XPO6: variants seen among roughly 807,000 people sequenced by gnomAD.
XPO6 encodes exportin-6.
In XPO6, 3 loss-of-function variants were observed where a neutral mutation model predicts 130.0. The observed-to-expected ratio is 0.02, with a 90% confidence interval of 0.01 to 0.06. XPO6 has a LOEUF of 0.06. Among genes scored for constraint, XPO6 ranks in the 10% least tolerant of loss-of-function variants. The probability of loss-of-function intolerance (pLI) is 1.00; values close to 1 mark genes in which losing one functional copy is unlikely to be tolerated. For missense variants in XPO6, 970 were observed against 1,393.0 expected (o/e 0.70, Z 4.83); for synonymous variants, 524 against 548.9 (o/e 0.95, Z 0.63).
At position 28,186,374 on chromosome 16, in the gene XPO6, C is replaced by CTTTTTTTTTTTTTTT. The variant is rs60754642; in HGVS notation, c.4-5358_4-5344dup. On this transcript the variant is annotated intron_variant, in intron 1 of 23. Transcript: ENST00000304658. ...TATAGATTTTTCTGCCCCAGTTATT[C>CTTTTTTTTTTTTTTT]TTTTTTTTTTTTTTTTTGCTAAAGA... is the stretch of plus-strand genomic sequence containing the variant. Among the ~76,000 whole-genome samples the CTTTTTTTTTTTTTTT allele has an allele frequency of 4.1e-3, 332 of 81,410 alleles. 85 individuals carry two copies. Among genetic ancestry groups the CTTTTTTTTTTTTTTT allele is most frequent in the African/African-American group, 0.02 (305 of 15,242 alleles). 53.4% of individuals were successfully genotyped at this position (81,410 alleles called of 152,430 possible).
intron 1 of XPO6, among the ~76,000 whole-genome samples, chr16:28,201,727 G>A (rs982139080): frequency 6.6e-6 from 1 of 152,040 alleles, no homozygotes; most frequent in Non-Finnish European, 1.5e-5. Flanking sequence ...GTGGCAGCAT[G>A]CACCTGTAGT....
chr16:28,165,998 C>T (rs1391326642), intron 6 of XPO6, among the ~76,000 whole-genome samples: 4 of 152,172 alleles, frequency 2.6e-5, no homozygotes, highest in Non-Finnish European at 5.9e-5. Flanking sequence ...CAAATATGCC[C>T]CGCTTTACCA....
intron 2 of XPO6, 69 bp downstream of exon 2, chr16:28,180,872 A>G (rs1354697234): frequency 7.6e-7 from 1 of 1,318,596 alleles, no homozygotes; most frequent in African/African-American, 1.5e-5. Context: ...ACGGCTACGA[A>G]CAACTCCTTC....
intron 15 of XPO6, among the ~76,000 whole-genome samples, chr16:28,116,479 C>CAAA (rs771991055): frequency 9.5e-5 from 9 of 94,980 alleles, no homozygotes; most frequent in African/African-American, 3.3e-4. Flanking sequence ...ACAAAAACGA[C>CAAA]AAAAAAAAAA....
Position 28,106,301 on chromosome 16 carries a change from G to A in XPO6, c.2612+82C>T. On this transcript the variant is annotated intron_variant, in intron 19 of 23. Transcript: ENST00000304658. The surrounding 1 kb of genome is among the most constrained non-coding windows in gnomAD (Gnocchi z 4.2). ...CCCATGCTGTGGCAAGTGCAGAACA[G>A]GAGCAAAAAGCCACACTTTGTCGCC... 6.2e-7 allele frequency: 1 copy of A among 1,607,030 alleles called. No individual in the cohort carries two copies. The highest frequency in any genetic ancestry group is 8.5e-7 in the Non-Finnish European group (1 of 1,174,778).
At position 28,211,579 on chromosome 16, in the gene XPO6, G is replaced by C. The variant is rs1243479013; in HGVS notation, c.-211C>G. ...GGGGGACCCCGAGACAATTCATCCA[G>C]ACCCACCCGCCCCTCCCCAAGGAAA... is the stretch of plus-strand genomic sequence containing the variant. On this transcript the variant is annotated 5_prime_UTR_variant, in exon 1 of 24. Transcript: ENST00000304658. 2.4e-6 allele frequency: 1 copy of C among 422,068 alleles called. No homozygotes were observed. The highest frequency in any genetic ancestry group is 4.2e-6 in the Non-Finnish European group (1 of 240,008). The allele number at this position is 422,068 out of a possible 1,614,324, so 26.1% of individuals were successfully genotyped here.
intron 21 of XPO6, among the ~76,000 whole-genome samples, chr16:28,103,295 C>G (rs1337417263): frequency 2.6e-5 from 4 of 152,154 alleles, no homozygotes; most frequent in Admixed American, 6.5e-5. Flanking sequence ...ATGTGAAACT[C>G]ATCTATGCTG....
chr16:28,204,830 T>G (rs192108438), intron 1 of XPO6, among the ~76,000 whole-genome samples: 1 of 152,248 alleles, frequency 6.6e-6, no homozygotes, highest in East Asian at 1.9e-4. Flanking sequence ...TCCAGTAAGA[T>G]AGGGACTGAG....
chr16:28,198,428 T>C (rs2043903077), intron 1 of XPO6, among the ~76,000 whole-genome samples: 2 of 152,134 alleles, frequency 1.3e-5, no homozygotes, highest in South Asian at 4.1e-4. Context: ...AGAGAAGATT[T>C]TGTGTTTCTA....
chr16:28,181,388 C>T (rs771158508), intron 1 of XPO6, among the ~76,000 whole-genome samples: 4 of 152,162 alleles, frequency 2.6e-5, no homozygotes, highest in Non-Finnish European at 5.9e-5. Flanking sequence ...AAGGCCAGAA[C>T]TCCTCATAGA....
At chr16:28,133,330 C>T (rs2141286923) in intron 11 of XPO6, among the ~76,000 whole-genome samples, 1 of 143,346 alleles carries the variant, frequency 7.0e-6, no homozygotes, top group Non-Finnish European at 1.5e-5. Context: ...CAGCGTGAGA[C>T]TCCGTCTCAA....
rs2086777532 is a variant in XPO6, at chr16:28,106,257, C to A, written c.2613-43G>T. The A allele has an allele frequency of 6.2e-7, 1 of 1,608,752 alleles. No individual in the cohort carries two copies. The highest frequency in any genetic ancestry group is 1.3e-5 in the African/African-American group (1 of 74,796). ...ACACAGTGAGCAACCACATGTTTCTCTGGGGGCCAGCATGAAAACCCATGC... is the reference window on the plus strand; with the variant it reads ...ACACAGTGAGCAACCACATGTTTCTATGGGGGCCAGCATGAAAACCCATGC... On this transcript the variant is annotated intron_variant, in intron 19 of 23. Coordinates refer to ENST00000304658, the MANE Select transcript of XPO6 (RefSeq NM_015171.4). This position sits in a 1 kb window ranked among gnomAD's most constrained non-coding sequence, Gnocchi z 4.2.
intron 6 of XPO6, among the ~76,000 whole-genome samples, chr16:28,161,296 T>C (rs1051765140): frequency 6.6e-6 from 1 of 152,182 alleles, no homozygotes; most frequent in South Asian, 2.1e-4. Context: ...CTAAAAGGGT[T>C]TGGGGGACTT....
At chr16:28,111,122 T>C (rs1567595241) in intron 17 of XPO6, 1 of 152,254 alleles carries the variant, frequency 6.6e-6, no homozygotes, top group Non-Finnish European at 1.5e-5. Flanking sequence ...AAAAGTAGTG[T>C]TTTTTAAAGA....
Position 28,101,307 on chromosome 16 carries a change from G to A in XPO6, c.3276+151C>T, listed in dbSNP as rs2086651566. 2 of 719,748 alleles carry A rather than the reference G, an allele frequency of 2.8e-6. No individual in the cohort carries two copies. Among genetic ancestry groups the A allele is most frequent in the Non-Finnish European group, 5.0e-6 (2 of 399,934 alleles). The allele number at this position is 719,748 out of a possible 1,614,324, so 44.6% of individuals were successfully genotyped here. A position where few individuals can be genotyped will look rare whatever the true frequency, so the allele number is the denominator to read the frequency against. ...GCCCCTCAATCAGGCTACAGCACCA[G>A]GTCAGCAGGCATCTCGTGAGCTGCC... is the stretch of plus-strand genomic sequence containing the variant. On this transcript the variant is annotated intron_variant, in intron 23 of 23. Transcript: ENST00000304658. This position sits in a 1 kb window ranked among gnomAD's most constrained non-coding sequence, Gnocchi z 5.4.
chr16:28,195,057 C>T (rs879859541), intron 1 of XPO6, among the ~76,000 whole-genome samples: 1 of 151,670 alleles, frequency 6.6e-6, no homozygotes, highest in Admixed American at 6.6e-5. Flanking sequence ...CTCCTCACTC[C>T]TTGTGGGCTT....
chr16:28,153,004 T>C (rs1165627290), intron 7 of XPO6: 2 of 1,202,474 alleles, frequency 1.7e-6, no homozygotes, highest in Admixed American at 4.7e-5. Context: ...CCTCAGACAC[T>C]GTCTGCTAAG....
intron 12 of XPO6, among the ~76,000 whole-genome samples, chr16:28,129,193 CCTGTT>C (rs2042619399): frequency 6.6e-6 from 1 of 152,204 alleles, no homozygotes; most frequent in Non-Finnish European, 1.5e-5. Flanking sequence ...CTGGTTCTTT[CCTGTT>C]CTATCTGCAA....
chr16:28,178,110 A>C (rs534855710), intron 2 of XPO6, among the ~76,000 whole-genome samples: 3 of 152,318 alleles, frequency 2.0e-5, no homozygotes, highest in East Asian at 3.9e-4. Context: ...ACTGGTCATG[A>C]AATATAATCC....
Sources: gnomAD v4.1 joint callset for allele counts (sites outside exome capture counted in the v4.1 genomes callset) on GRCh38, gnomAD v4.1.1 for gene constraint, Gnocchi (gnomAD v3.1) non-coding constraint, MANE v1.5 for transcripts, NCBI Gene and HGNC (gene_info 2026-07-23, HGNC 2026-07-21) for gene names.